Variants in EXOC3L4 observed in about 807,000 individuals in gnomAD.
The protein encoded by EXOC3L4 is exocyst complex component 3-like protein 4.
In EXOC3L4, 62 loss-of-function variants were observed where a neutral mutation model predicts 69.7. The ratio of observed to expected loss-of-function variants is 0.89; its 90% confidence interval spans 0.72 to 1.10. EXOC3L4 has a LOEUF of 1.10. Among genes scored for constraint, EXOC3L4 ranks in the 50% least tolerant of loss-of-function variants. The probability of loss-of-function intolerance (pLI) is 0.00; values close to 1 mark genes in which losing one functional copy is unlikely to be tolerated. For missense variants in EXOC3L4, 1,087 were observed against 1,034.8 expected, an observed-to-expected ratio of 1.05 and a Z score of -0.69; for synonymous variants, 502 against 464.2, an observed-to-expected ratio of 1.08 and a Z score of -1.05.
At chr14:103,100,687 C>G (rs1020236062) in intron 2 of EXOC3L4, 74 bp downstream of exon 2, 1 of 1,477,962 alleles carries the variant, frequency 6.8e-7, no homozygotes, top group Middle Eastern at 2.2e-4. Flanking sequence ...CTGAGGTTTC[C>G]GGAAAGGCTG....
At chr14:103,109,946 C>T in intron 11 of EXOC3L4, 85 bp from the exon 12 acceptor site, 1 of 1,408,350 alleles carries the variant, frequency 7.1e-7, no homozygotes, top group Admixed American at 2.5e-5. Context: ...CATACTAACT[C>T]CCAAGCCCGT....
At chr14:103,106,743 T>A in intron 7 of EXOC3L4, 42 bp from the exon 8 acceptor site, 1 of 1,306,278 alleles carries the variant, frequency 7.7e-7, no homozygotes, top group Non-Finnish European at 1.1e-6. Context: ...CCCAGCCTGG[T>A]CTCCCTTGCC....
chr14:103,097,436 C>T lies in EXOC3L4; in HGVS notation c.-17+2596C>T, dbSNP rs1283843845. On this transcript the variant is annotated intron_variant, in intron 1 of 11. Transcript: ENST00000688303. This position sits in a 1 kb window ranked among gnomAD's most constrained non-coding sequence, Gnocchi z 4.9. ...GAGAGTCCATGGGGGTGTGGGGAGG[C>T]AGGCACAGGGACAGGCCAGGCGAGA... is the stretch of plus-strand genomic sequence containing the variant. 6.6e-6 allele frequency among the ~76,000 whole-genome samples: 1 copy of T among 152,066 alleles called. No homozygotes were observed. The highest frequency in any genetic ancestry group is 1.5e-5 in the Non-Finnish European group (1 of 67,988).
intron 1 of EXOC3L4, among the ~76,000 whole-genome samples, chr14:103,099,718 C>T (rs1295524508): frequency 2.7e-5 from 4 of 150,274 alleles, no homozygotes; most frequent in South Asian, 4.3e-4. Context: ...GGGCTGAAGG[C>T]GGGTGAGCTG....
At position 103,102,202 on chromosome 14, in the gene EXOC3L4, TGGCCGAGAA is replaced by T; in HGVS notation, c.484_492del (p.Glu162_Ala164del). 1.3e-6 allele frequency: 2 copies of T among 1,597,642 alleles called. No individual in the cohort carries two copies. Among genetic ancestry groups the T allele is most frequent in the Non-Finnish European group, 1.7e-6 (2 of 1,172,856 alleles). ...CTTCTGCGCCTGGAGACGCTGCTGG[TGGCCGAGAA>T]GGCCTCGCGCACCTTTGAGCAGGAC... On this transcript the variant is annotated inframe_deletion, in exon 3 of 12. Transcript: ENST00000688303.
At position 103,107,554 on chromosome 14, in the gene EXOC3L4, G is replaced by A; in HGVS notation, c.1701+11G>A. The stretch of plus-strand genomic sequence containing the variant: ...CGGCCGCGGGCACAGGTACCACAAG[G>A]GGGAGGGCCCTGGCAGGGCTGTGCC... On this transcript the variant is annotated intron_variant, in intron 9 of 11. Transcript: ENST00000688303. The A allele has an allele frequency of 3.1e-6, 5 of 1,613,394 alleles. No homozygotes were observed. The highest frequency in any genetic ancestry group is 4.2e-6 in the Non-Finnish European group (5 of 1,179,878).
Position 103,094,844 on chromosome 14 carries a change from T to A in EXOC3L4, c.-17+4T>A, listed in dbSNP as rs914074039. On this transcript the variant is annotated splice_donor_region_variant and intron_variant, in intron 1 of 11. Coordinates refer to ENST00000688303, the MANE Select transcript of EXOC3L4 (RefSeq NM_001077594.2). ...GCCAAGGCTGCGTGCTCAGCAGGTA[T>A]GTTCTGGGCAGGTGGAGCAGGAGGG... 4 of 152,370 alleles carry A rather than the reference T, an allele frequency of 2.6e-5. No individual in the cohort carries two copies. Among genetic ancestry groups the A allele is most frequent in the African/African-American group, 7.3e-5 (3 of 41,374 alleles). The allele number at this position is 152,370 out of a possible 1,614,324, so 9.4% of individuals were successfully genotyped here.
chr14:103,108,659 C>T, intron 11 of EXOC3L4, 142 bp downstream of exon 11: 3 of 1,166,358 alleles, frequency 2.6e-6, no homozygotes, highest in Non-Finnish European at 2.4e-6. Context: ...ACCCTCAGAC[C>T]CTCAAGGCTG....
In EXOC3L4 at chr14:103,110,072, G is replaced by A. The variant is rs767477397; in HGVS notation, c.2018G>A (p.Gly673Asp). 3 of 1,600,854 alleles carry A rather than the reference G, an allele frequency of 1.9e-6. No homozygotes were observed. Among genetic ancestry groups the A allele is most frequent in the African/African-American group, 1.3e-5 (1 of 74,838 alleles). ...ILAILALRRL[G>D]RQRNQHLLQH... is the part of the protein sequence containing the mutation. Reference sequence around the variant, plus strand: ...GCCATTCTGGCGCTGCGCCGACTGGGCCGCCAGCGGAACCAGCATCTCTTG... The same window carrying A: ...GCCATTCTGGCGCTGCGCCGACTGGACCGCCAGCGGAACCAGCATCTCTTG... Residue 673 changes from glycine (G) to aspartate (D), a missense_variant, in exon 12 of 12, where the codon GGC becomes GAC. Physicochemically the swap from Gly to Asp is moderately conservative, Grantham distance 94 (BLOSUM62 -1). Coordinates refer to ENST00000688303, the MANE Select transcript of EXOC3L4 (RefSeq NM_001077594.2).
rs145445413 is a variant in EXOC3L4 at position 103,110,149 on chromosome 14, G to T, written c.2095G>T (p.Ala699Ser). Reference protein sequence around the residue: ...RAAAGAAGAEAPRGRVLFEEI... With the variant: ...RAAAGAAGAESPRGRVLFEEI... The stretch of plus-strand genomic sequence containing the variant: ...TGCGGCCGGGGCGGCGGGTGCGGAG[G>T]CCCCTCGGGGCCGCGTGCTCTTCGA... Residue 699 changes from alanine (A) to serine (S), a missense_variant, in exon 12 of 12, where the codon GCC becomes TCC. Transcript: ENST00000688303. 3.4e-4 allele frequency: 529 copies of T among 1,544,934 alleles called. 3 individuals are homozygous for T. In the African/African-American group the frequency reaches 6.4e-3, roughly 19 times the overall value.
chr14:103,100,283 CCA>C lies in EXOC3L4; in HGVS notation c.67_68del (p.Gln23AspfsTer70). On this transcript the variant is annotated frameshift_variant, in exon 2 of 12. Coordinates refer to ENST00000688303, the MANE Select transcript of EXOC3L4 (RefSeq NM_001077594.2). LOFTEE classifies it high-confidence loss of function. ...ELQSPKEAEEPQTPAQGSRRT... is the reference protein window; with the variant it reads ...ELQSPKEAEEXQTPAQGSRRT... Reference sequence around the variant, plus strand: ...GCAGAGTCCCAAGGAGGCTGAGGAGCCACAGACTCCAGCTCAGGGCTCCCGGC... The same window carrying C: ...GCAGAGTCCCAAGGAGGCTGAGGAGCCAGACTCCAGCTCAGGGCTCCCGGC... 1.9e-6 allele frequency: 3 copies of C among 1,578,378 alleles called. No individual in the cohort carries two copies. The South Asian group carries it at 3.5e-5, about 18-fold the overall frequency.
Position 103,108,519 on chromosome 14 carries a change from T to G in EXOC3L4, c.1976+2T>G. The G allele has an allele frequency of 6.2e-7, 1 of 1,612,782 alleles. No individual in the cohort carries two copies. The highest frequency in any genetic ancestry group is 8.5e-7 in the Non-Finnish European group (1 of 1,179,244). Reference sequence around the variant, plus strand: ...TATCCGGAGCTACCCCGACATCAGGTGTGTACCCCACCTGCTTCCACTAGC... The same window carrying G: ...TATCCGGAGCTACCCCGACATCAGGGGTGTACCCCACCTGCTTCCACTAGC... On this transcript the variant is annotated splice_donor_variant, in intron 11 of 11. Transcript: ENST00000688303. LOFTEE classifies it high-confidence loss of function.
chr14:103,107,337 G>A, intron 8 of EXOC3L4, 87 bp from the exon 9 acceptor site: 1 of 1,552,972 alleles, frequency 6.4e-7, no homozygotes, highest in South Asian at 1.2e-5. Flanking sequence ...GAGGGAAGGG[G>A]TCAGGAGTGG....
At position 103,102,662 on chromosome 14, in the gene EXOC3L4, G is replaced by C; in HGVS notation, c.939G>C (p.Leu313=). ...GCTTCCCAGCGTGGGAGGTCTATCT[G>C]CGTGCCTTCCACAGCGCCGTGGCCC... is the stretch of plus-strand genomic sequence containing the variant. ...AAGFPAWEVY[L]RAFHSAVAQR... The change falls in exon 3 of 12, where the codon CTG becomes CTC. Residue 313 remains leucine, a synonymous_variant. Coordinates refer to ENST00000688303, the MANE Select transcript of EXOC3L4 (RefSeq NM_001077594.2). 1 of 1,498,484 alleles carries C rather than the reference G, an allele frequency of 6.7e-7. No individual in the cohort carries two copies. Among genetic ancestry groups the C allele is most frequent in the Non-Finnish European group, 8.9e-7 (1 of 1,129,718 alleles). The allele number at this position is 1,498,484 out of a possible 1,614,324, so 92.8% of individuals were successfully genotyped here. A position where few individuals can be genotyped will look rare whatever the true frequency, so the allele number is the denominator to read the frequency against.
intron 1 of EXOC3L4, 122 bp from the exon 2 acceptor site, chr14:103,100,082 C>A: frequency 9.0e-7 from 1 of 1,106,248 alleles, no homozygotes; most frequent in Non-Finnish European, 1.2e-6. Flanking sequence ...TTCCTTTTGA[C>A]AGCCTGAGGG....
Position 103,100,435 on chromosome 14 carries a change from T to C in EXOC3L4, c.216T>C (p.Asp72=), listed in dbSNP as rs772381031. The part of the protein sequence containing the change: ...QRALTQVSKE[D]TGLFRRSSCS... ...CTTTGACCCAGGTCTCCAAGGAAGATACGGGCCTGTTCCGGCGAAGCTCCT... is the reference window on the plus strand; with the variant it reads ...CTTTGACCCAGGTCTCCAAGGAAGACACGGGCCTGTTCCGGCGAAGCTCCT... Residue 72 remains aspartate (D), a synonymous_variant, in exon 2 of 12, where the codon GAT becomes GAC. Coordinates refer to ENST00000688303, the MANE Select transcript of EXOC3L4 (RefSeq NM_001077594.2). 4.3e-6 allele frequency: 7 copies of C among 1,613,278 alleles called. No homozygotes were observed. Among genetic ancestry groups the C allele is most frequent in the Non-Finnish European group, 5.1e-6 (6 of 1,179,896 alleles).
In EXOC3L4 at chr14:103,100,557, G is replaced by T. The variant is rs781521115; in HGVS notation, c.338G>T (p.Gly113Val). 1 of 1,611,824 alleles carries T rather than the reference G, an allele frequency of 6.2e-7. No individual in the cohort carries two copies. The highest frequency in any genetic ancestry group is 1.7e-5 in the Admixed American group (1 of 59,870). The change falls in exon 2 of 12, where the codon GGT (glycine) becomes GTT (valine). Residue 113 changes from glycine to valine, a missense_variant. Transcript: ENST00000688303. ...TPEVPSGVMN[G>V]VSQQASTGAA... ...GAGGTGCCCTCGGGGGTCATGAATG[G>T]TGTCAGCCAGCAGGCATCCACTGGG...
intron 1 of EXOC3L4, among the ~76,000 whole-genome samples, chr14:103,095,318 G>A (rs1430324402): frequency 6.6e-6 from 1 of 152,228 alleles, no homozygotes; most frequent in Non-Finnish European, 1.5e-5. Flanking sequence ...TGCCTTGCGG[G>A]TCTCCTGGTC....
rs749235337 is a variant in EXOC3L4 at position 103,105,077 on chromosome 14, G to A, written c.1466+5G>A. 5.0e-6 allele frequency: 8 copies of A among 1,596,616 alleles called. No homozygotes were observed. Among genetic ancestry groups the A allele is most frequent in the Non-Finnish European group, 4.3e-6 (5 of 1,168,316 alleles). The stretch of plus-strand genomic sequence containing the variant: ...CAACGCCTGCGAGGAGCTCAGGTAG[G>A]GCTCGCCCGCTCCTGTGCGGGCGCA... On this transcript the variant is annotated splice_donor_5th_base_variant and intron_variant, in intron 7 of 11. Coordinates refer to ENST00000688303, the MANE Select transcript of EXOC3L4 (RefSeq NM_001077594.2).
Sources: allele counts gnomAD v4.1 joint callset (sites outside exome capture counted in the v4.1 genomes callset), GRCh38; gene constraint gnomAD v4.1.1; non-coding constraint Gnocchi (gnomAD v3.1); transcripts MANE v1.5; gene names NCBI Gene and HGNC (gene_info 2026-07-23, HGNC 2026-07-21).